Variants in PER3 observed in about 807,000 individuals in gnomAD.
PER3 encodes the protein period circadian regulator 3.
In PER3, 107 loss-of-function variants were observed where a neutral mutation model predicts 127.2. The ratio of observed to expected loss-of-function variants is 0.84; its 90% confidence interval spans 0.72 to 0.99. The LOEUF is 0.99. PER3 is among the 50% of genes least tolerant of loss of function. The pLI, the probability that PER3 is intolerant of heterozygous loss-of-function variation, is 0.00. For synonymous variants in PER3, 618 were observed against 585.8 expected (o/e 1.05, Z -0.79); for missense variants, 1,560 against 1,525.8 (o/e 1.02, Z -0.37).
chr1:7,810,707 C>A, intron 13 of PER3, 119 bp downstream of exon 13: 1 of 906,610 alleles, frequency 1.1e-6, no homozygotes, highest in East Asian at 2.6e-5. Context: ...TTTCATATTT[C>A]TTGATTTGCC....
chr1:7,806,287 A>G (rs1351701611), intron 10 of PER3, among the ~76,000 whole-genome samples: 1 of 152,172 alleles, frequency 6.6e-6, no homozygotes, highest in Non-Finnish European at 1.5e-5. Flanking sequence ...TTTTACAGGT[A>G]AAATCCATAC....
chr1:7,788,712 T>C (rs535837787), intron 5 of PER3: 62 of 167,882 alleles, frequency 3.7e-4, no homozygotes, highest in African/African-American at 1.3e-3. Context: ...CAGACCAGCC[T>C]GGCCAACATG....
At chr1:7,802,305 C>T (rs1471209199) in intron 8 of PER3, among the ~76,000 whole-genome samples, 6 of 152,008 alleles carry the variant, frequency 3.9e-5, no homozygotes, top group Non-Finnish European at 7.4e-5. Context: ...CACTGTTGCC[C>T]GGGCTGGAGT....
chr1:7,806,943 A>C (rs960983529), intron 10 of PER3, among the ~76,000 whole-genome samples: 26 of 151,644 alleles, frequency 1.7e-4, no homozygotes, highest in Admixed American at 1.6e-3. Flanking sequence ...ATTTCACTCA[A>C]AAAACAAATT....
chr1:7,794,556 A>G (rs138331336), intron 6 of PER3, among the ~76,000 whole-genome samples: 176 of 152,338 alleles, frequency 1.2e-3, no homozygotes, highest in Middle Eastern at 0.01. Flanking sequence ...TCTTAACTCT[A>G]GGAGTGTATA....
intron 13 of PER3, among the ~76,000 whole-genome samples, chr1:7,815,829 CA>C (rs558631995): frequency 0.09 from 11,826 of 131,116 alleles, 504 homozygotes; most frequent in Middle Eastern, 0.17. Context: ...ACTAAAAATA[CA>C]AAAAAAAAAA....
Position 7,843,878 on chromosome 1 carries a change from T to C in PER3, c.*1123T>C, listed in dbSNP as rs1049497544. On this transcript the variant is annotated 3_prime_UTR_variant, in exon 22 of 22. Transcript: ENST00000377532. ...GTGATTGTTTACTTGATAAATCAGC[T>C]CACTCTCTGGTGCTTTTTAGAGAAG... is the stretch of plus-strand genomic sequence containing the variant. 2 of 1,238,752 alleles carry C rather than the reference T, an allele frequency of 1.6e-6. No individual in the cohort carries two copies. The highest frequency in any genetic ancestry group is 2.1e-6 in the Non-Finnish European group (2 of 959,924). The allele number at this position is 1,238,752 out of a possible 1,614,324, so 76.7% of individuals were successfully genotyped here.
chr1:7,812,624 C>CAAAAAAAA lies in PER3; in HGVS notation c.1522+2054_1522+2061dup, dbSNP rs35962033. On this transcript the variant is annotated intron_variant, in intron 13 of 21. Coordinates refer to ENST00000377532, the MANE Select transcript of PER3 (RefSeq NM_001377275.1). ...TGGGCAACAGAGCAAGACTCCGTCTCAAAAAAAAAAAAAAAAAAAAAAAAA... is the reference window on the plus strand; with the variant it reads ...TGGGCAACAGAGCAAGACTCCGTCTCAAAAAAAAAAAAAAAAAAAAAAAAAAAAAAAAA... Among the ~76,000 whole-genome samples, 355 of 85,372 alleles carry CAAAAAAAA rather than the reference C, an allele frequency of 4.2e-3. 15 individuals carry two copies. Among genetic ancestry groups the CAAAAAAAA allele is most frequent in the African/African-American group, 0.014 (267 of 19,092 alleles). The allele number at this position is 85,372 out of a possible 152,430, so 56.0% of individuals were successfully genotyped here.
intron 10 of PER3, among the ~76,000 whole-genome samples, chr1:7,808,160 G>A (rs79863154): frequency 2.0e-3 from 286 of 145,568 alleles, no homozygotes; most frequent in African/African-American, 6.9e-3. Flanking sequence ...CTGAACCTGG[G>A]TGGCAAAGAT....
intron 10 of PER3, among the ~76,000 whole-genome samples, chr1:7,808,068 A>C (rs1384576157): frequency 1.3e-5 from 2 of 152,028 alleles, no homozygotes; most frequent in African/African-American, 4.8e-5. Flanking sequence ...CCCCGTCTCT[A>C]CTAAAAATAC....
chr1:7,812,624 C>CAAAAA (rs35962033), intron 13 of PER3, among the ~76,000 whole-genome samples: 13,788 of 84,852 alleles, frequency 0.16, 1,506 homozygotes, highest in Non-Finnish European at 0.21. Flanking sequence ...GACTCCGTCT[C>CAAAAA]AAAAAAAAAA....
At chr1:7,796,319 C>CTTTTTTTT (rs71567315) in intron 6 of PER3, among the ~76,000 whole-genome samples, 23,365 of 108,402 alleles carry the variant, frequency 0.22, 3,271 homozygotes, top group South Asian at 0.28. Context: ...TTTCAGTTTC[C>CTTTTTTTT]TTTTTTTTTT....
At chr1:7,810,270 T>C (rs1262236505) in intron 12 of PER3, 168 bp from the exon 13 acceptor site, 1 of 620,536 alleles carries the variant, frequency 1.6e-6, no homozygotes, top group African/African-American at 1.9e-5. Flanking sequence ...TTAGAATTTG[T>C]TGGTACCAGT....
intron 13 of PER3, among the ~76,000 whole-genome samples, chr1:7,816,517 A>G (rs1293732203): frequency 6.6e-6 from 1 of 152,262 alleles, no homozygotes; most frequent in Non-Finnish European, 1.5e-5. Context: ...ACTCAAGAAG[A>G]CAACCCAATT....
At chr1:7,836,853 G>C (rs2097360905) in intron 20 of PER3, 146 bp from the exon 21 acceptor site, 2 of 517,878 alleles carry the variant, frequency 3.9e-6, no homozygotes, top group Non-Finnish European at 6.7e-6. Flanking sequence ...AAAAGGAAAT[G>C]ATCTAGTTAT....
chr1:7,787,592 A>G, intron 4 of PER3: 2 of 319,366 alleles, frequency 6.3e-6, no homozygotes, highest in Non-Finnish European at 1.2e-5. Context: ...CAAACTGCTG[A>G]TTATAAATAA....
intron 16 of PER3, among the ~76,000 whole-genome samples, chr1:7,823,705 T>C (rs533478184): frequency 2.0e-4 from 31 of 151,920 alleles, no homozygotes; most frequent in Non-Finnish European, 3.8e-4. Context: ...ATAATTATAT[T>C]TGGAAAATTG....
chr1:7,793,005 C>T (rs1266234938), intron 5 of PER3, among the ~76,000 whole-genome samples: 3 of 152,188 alleles, frequency 2.0e-5, no homozygotes, highest in Admixed American at 6.5e-5. Flanking sequence ...TACCAATCTT[C>T]AGTGCTTTAT....
chr1:7,830,488 T>C (rs2097326388), intron 19 of PER3, among the ~76,000 whole-genome samples: 1 of 152,206 alleles, frequency 6.6e-6, no homozygotes, highest in Non-Finnish European at 1.5e-5. Context: ...TGGCAGCCAC[T>C]GGTTTGCTTT....
Sources: allele counts gnomAD v4.1 joint callset (sites outside exome capture counted in the v4.1 genomes callset), GRCh38; gene constraint gnomAD v4.1.1; transcripts MANE v1.5; gene names NCBI Gene and HGNC (gene_info 2026-07-23, HGNC 2026-07-21).